Variants in SNX2 observed in about 807,000 individuals in gnomAD.
The protein encoded by SNX2 is sorting nexin 2.
In SNX2, 25 loss-of-function variants were observed where a neutral mutation model predicts 69.9. The observed-to-expected ratio is 0.36, with a 90% CI of 0.26 to 0.50. The LOEUF is 0.50. Among genes scored for constraint, SNX2 ranks in the 20% least tolerant of loss-of-function variants. The probability of loss-of-function intolerance (pLI) is 0.97; values close to 1 mark genes in which losing one functional copy is unlikely to be tolerated. For synonymous variants in SNX2, 229 were observed against 200.4 expected, an observed-to-expected ratio of 1.14 and a Z score of -1.20; for missense variants, 551 against 613.3, an observed-to-expected ratio of 0.90 and a Z score of 1.07.
intron 7 of SNX2, among the ~76,000 whole-genome samples, chr5:122,813,866 T>C (rs6895689): frequency 0.42 from 61,940 of 149,160 alleles, 13,318 homozygotes; most frequent in African/African-American, 0.5. Flanking sequence ...CTCCGTCTCC[T>C]GGGTTCAAGC....
intron 7 of SNX2, among the ~76,000 whole-genome samples, chr5:122,814,819 G>A (rs187965085): frequency 1.3e-5 from 2 of 151,224 alleles, no homozygotes; most frequent in African/African-American, 2.4e-5. Flanking sequence ...GCAGGATCTC[G>A]GCTCACTCCA....
Position 122,799,813 on chromosome 5 carries a change from G to A in SNX2, c.348G>A (p.Lys116=), listed in dbSNP as rs374556429. 3.0e-4 allele frequency: 488 copies of A among 1,613,336 alleles called. 1 individual carries two copies. Among genetic ancestry groups the A allele is most frequent in the Admixed American group, 9.0e-4 (54 of 59,968 alleles). ...TCATTGCTCCTAGAATTGAATCAAA[G>A]AGTATGTCTGCTCCCGTGATCTTTG... ...TTLIAPRIES[K]SMSAPVIFDR... The change falls in exon 3 of 15, where the codon AAG becomes AAA. Residue 116 remains lysine (K), a synonymous_variant. Transcript: ENST00000379516.
chr5:122,790,283 T>C (rs570671368), intron 1 of SNX2, among the ~76,000 whole-genome samples: 4 of 152,254 alleles, frequency 2.6e-5, no homozygotes, highest in African/African-American at 9.6e-5. Context: ...TATGCCTGGC[T>C]AATTTTTTTG....
rs1364092690 is a variant in SNX2 at position 122,831,103 on chromosome 5, A to C, written c.*1455A>C. ...TACAAACACCCCTCTTCTTGAGCTT[A>C]ACCACCACATATCCCTTCCATAGGA... On this transcript the variant is annotated 3_prime_UTR_variant, in exon 15 of 15. Transcript: ENST00000379516. Among the ~76,000 whole-genome samples the C allele has an allele frequency of 6.6e-6, 1 of 151,832 alleles. No homozygotes were observed. Among genetic ancestry groups the C allele is most frequent in the Non-Finnish European group, 1.5e-5 (1 of 67,984 alleles).
At chr5:122,822,444 T>C (rs1754045541) in intron 11 of SNX2, among the ~76,000 whole-genome samples, 1 of 152,230 alleles carries the variant, frequency 6.6e-6, no homozygotes, top group Non-Finnish European at 1.5e-5. Context: ...GTTTGGTTAT[T>C]ATCTATTTCG....
chr5:122,775,344 C>G (rs111948480), intron 1 of SNX2, 133 bp downstream of exon 1: 1 of 1,387,974 alleles, frequency 7.2e-7, no homozygotes, highest in East Asian at 2.9e-5. Context: ...GACGCGAGCC[C>G]CACCTCCGGT....
At chr5:122,826,611 A>C (rs1464153645) in intron 12 of SNX2, 2 of 887,584 alleles carry the variant, frequency 2.3e-6, no homozygotes, top group Non-Finnish European at 2.7e-6. Flanking sequence ...TATAATTTAT[A>C]CACTTTTCTT....
intron 7 of SNX2, among the ~76,000 whole-genome samples, chr5:122,814,749 A>C (rs1753862000): frequency 2.2e-5 from 1 of 45,106 alleles, no homozygotes; most frequent in South Asian, 6.2e-4. Context: ...GAAAGATAGC[A>C]GGTTTTTTTT....
intron 6 of SNX2, among the ~76,000 whole-genome samples, chr5:122,806,738 T>TA (rs1453337639): frequency 6.6e-6 from 1 of 152,036 alleles, no homozygotes; most frequent in Non-Finnish European, 1.5e-5. Flanking sequence ...TTCAGGGAAA[T>TA]AGAGTTTGTG....
At chr5:122,794,760 A>T (rs1221438023) in intron 1 of SNX2, among the ~76,000 whole-genome samples, 1 of 151,922 alleles carries the variant, frequency 6.6e-6, no homozygotes, top group Admixed American at 6.6e-5. Flanking sequence ...GTTGGCACAC[A>T]CCTGTAATCC....
At chr5:122,784,726 A>G (rs1753044517) in intron 1 of SNX2, among the ~76,000 whole-genome samples, 1 of 152,080 alleles carries the variant, frequency 6.6e-6, no homozygotes, top group Non-Finnish European at 1.5e-5. Flanking sequence ...TTTGGTTTTC[A>G]TATGAGAAAT....
intron 11 of SNX2, among the ~76,000 whole-genome samples, chr5:122,825,377 C>T (rs1754129392): frequency 6.6e-6 from 1 of 151,936 alleles, no homozygotes; most frequent in East Asian, 1.9e-4. Flanking sequence ...TTCACTTGCC[C>T]TTGCTCTGCC....
rs372698055 is a variant in SNX2, at chr5:122,791,503, A to G, written c.109-3763A>G. On this transcript the variant is annotated intron_variant, in intron 1 of 14. Transcript: ENST00000379516. ...CACCACATTGGCCAGGCTGGTCTCG[A>G]ACTCTTGACCTCAAGTGGTACGCCT... Among the ~76,000 whole-genome samples the G allele has an allele frequency of 1.4e-4, 21 of 152,308 alleles. 3 individuals carry two copies. The highest frequency in any genetic ancestry group is 3.9e-4 in the East Asian group (2 of 5,178).
At chr5:122,775,767 A>C (rs1352349825) in intron 1 of SNX2, 1 of 985,292 alleles carries the variant, frequency 1.0e-6, no homozygotes, top group African/African-American at 1.7e-5. Flanking sequence ...AAATAGGTAA[A>C]TGCATTTGCC....
At position 122,829,133 on chromosome 5, in the gene SNX2, A is replaced by T. The variant is rs1234309417; in HGVS notation, c.1510-465A>T. Among the ~76,000 whole-genome samples the T allele has an allele frequency of 2.0e-5, 3 of 152,260 alleles. No individual in the cohort carries two copies. In the East Asian group the frequency reaches 5.8e-4, roughly 29 times the overall value. On this transcript the variant is annotated intron_variant, in intron 14 of 14. Coordinates refer to ENST00000379516, the MANE Select transcript of SNX2 (RefSeq NM_003100.4). ...ACTCCACCTCAAGAAAACAAAACAA[A>T]AAAAACCCAGACGTTAGTAAATATT...
intron 2 of SNX2, among the ~76,000 whole-genome samples, chr5:122,797,550 A>T (rs559603197): frequency 5.9e-5 from 9 of 152,208 alleles, no homozygotes; most frequent in African/African-American, 2.2e-4. Flanking sequence ...TCCTCCTTCT[A>T]TGGAGGAGTA....
chr5:122,780,789 C>T (rs910278833), intron 1 of SNX2, among the ~76,000 whole-genome samples: 2 of 152,010 alleles, frequency 1.3e-5, no homozygotes, highest in Non-Finnish European at 2.9e-5. Context: ...AAGCAGGTCT[C>T]GAACTCCTGA....
chr5:122,793,781 C>T (rs1374754591), intron 1 of SNX2, among the ~76,000 whole-genome samples: 2 of 150,974 alleles, frequency 1.3e-5, no homozygotes, highest in Non-Finnish European at 3.0e-5. Context: ...GGCGTGATGG[C>T]AGACACCTGT....
intron 11 of SNX2, among the ~76,000 whole-genome samples, chr5:122,823,810 GTA>G (rs1491045766): frequency 3.0e-4 from 44 of 145,650 alleles, no homozygotes; most frequent in African/African-American, 1.0e-3. Flanking sequence ...GTGTGTGTGT[GTA>G]TGTGTAGGAA....
Sources: allele counts gnomAD v4.1 joint callset (sites outside exome capture counted in the v4.1 genomes callset), GRCh38; gene constraint gnomAD v4.1.1; transcripts MANE v1.5; gene names NCBI Gene and HGNC (gene_info 2026-07-23, HGNC 2026-07-21).